Variants in CORT observed in about 807,000 individuals in gnomAD.
CORT encodes the protein cortistatin-14.
Under a neutral mutation model 4.4 loss-of-function variants are expected in CORT, and 2 were observed. The ratio of observed to expected loss-of-function variants is 0.46; its 90% CI spans 0.19 to 1.44. The LOEUF is 1.44. Ranked by LOEUF, CORT falls within the 40% of genes most tolerant of loss-of-function variation. The pLI is 0.26. For synonymous variants in CORT, 72 were observed against 62.0 expected (o/e 1.16, Z -0.75); for missense variants, 158 against 140.2 (o/e 1.13, Z -0.64).
chr1:10,451,728 A>G lies in CORT; in HGVS notation c.*133A>G. The G allele has an allele frequency of 2.2e-6, 3 of 1,358,970 alleles. No individual in the cohort carries two copies. Among genetic ancestry groups the G allele is most frequent in the Non-Finnish European group, 2.9e-6 (3 of 1,027,520 alleles). The allele number at this position is 1,358,970 out of a possible 1,614,324, so 84.2% of individuals were successfully genotyped here. ...TGTTATTTAAATTCCAATAATGCCC[A>G]ATACTGACGTGTCTTGAGTAATTTG... On this transcript the variant is annotated 3_prime_UTR_variant, in exon 2 of 2. Transcript: ENST00000377049.
rs1640799563 is a variant in CORT, at chr1:10,451,885, T to C, written c.*290T>C. On this transcript the variant is annotated 3_prime_UTR_variant, in exon 2 of 2. Coordinates refer to ENST00000377049, the MANE Select transcript of CORT (RefSeq NM_001302.5). ...GCTCTGTCTTTGATTTAAAATAAAA[T>C]AGCTAAAGGCTACACAATTAAGAGT... The C allele has an allele frequency of 3.7e-6, 1 of 269,194 alleles. No individual in the cohort carries two copies. Among genetic ancestry groups the C allele is most frequent in the Non-Finnish European group, 6.8e-6 (1 of 146,314 alleles). 16.7% of individuals were successfully genotyped at this position (269,194 alleles called of 1,614,324 possible).
At chr1:10,450,444 G>T in intron 1 of CORT, 122 bp downstream of exon 1, 2 of 1,098,172 alleles carry the variant, frequency 1.8e-6, no homozygotes, top group Non-Finnish European at 2.3e-6. Flanking sequence ...AGGACACACG[G>T]CTCAACTTTG....
In CORT at chr1:10,451,604, C is replaced by T. The variant is rs146456778; in HGVS notation, c.*9C>T. The T allele has an allele frequency of 1.2e-3, 1,921 of 1,608,438 alleles. 28 individuals are homozygous for T. In the African/African-American group the frequency reaches 0.023, roughly 19 times the overall value. On this transcript the variant is annotated 3_prime_UTR_variant, in exon 2 of 2. Coordinates refer to ENST00000377049, the MANE Select transcript of CORT (RefSeq NM_001302.5). Reference sequence around the variant, plus strand: ...TCTCCTCCTGCAAATAAAACCTCACCCATGAATGCTCACGCAAGTGTAATG... The same window carrying T: ...TCTCCTCCTGCAAATAAAACCTCACTCATGAATGCTCACGCAAGTGTAATG...
chr1:10,451,360 C>T lies in CORT; in HGVS notation c.100-17C>T. 6.4e-7 allele frequency: 1 copy of T among 1,574,400 alleles called. No homozygotes were observed. The highest frequency in any genetic ancestry group is 8.6e-7 in the Non-Finnish European group (1 of 1,159,314). ...TGCTGAGTTTTCTTTCCTTTGCCATCTGCTTCTCTTTAAAAGCATATGCAG... is the reference window on the plus strand; with the variant it reads ...TGCTGAGTTTTCTTTCCTTTGCCATTTGCTTCTCTTTAAAAGCATATGCAG... On this transcript the variant is annotated splice_polypyrimidine_tract_variant and intron_variant, in intron 1 of 1. Transcript: ENST00000377049.
Position 10,450,339 on chromosome 1 carries a change from C to G in CORT, c.99+17C>G, listed in dbSNP as rs375245773. On this transcript the variant is annotated intron_variant, in intron 1 of 1. Coordinates refer to ENST00000377049, the MANE Select transcript of CORT (RefSeq NM_001302.5). ...GACAGCGAGGTGAGTACAGTCCCGA[C>G]GTGGCCACACGCTAGCCCACTCTCT... 6.8e-7 allele frequency: 1 copy of G among 1,469,858 alleles called. No homozygotes were observed. Among genetic ancestry groups the G allele is most frequent in the Non-Finnish European group, 9.0e-7 (1 of 1,108,568 alleles). The allele number at this position is 1,469,858 out of a possible 1,614,324, so 91.1% of individuals were successfully genotyped here.
chr1:10,451,607 T>A lies in CORT; in HGVS notation c.*12T>A, dbSNP rs554425969. 6.2e-7 allele frequency: 1 copy of A among 1,607,632 alleles called. No individual in the cohort carries two copies. The highest frequency in any genetic ancestry group is 8.5e-7 in the Non-Finnish European group (1 of 1,177,434). ...CCTCCTGCAAATAAAACCTCACCCA[T>A]GAATGCTCACGCAAGTGTAATGACA... On this transcript the variant is annotated 3_prime_UTR_variant, in exon 2 of 2. Transcript: ENST00000377049.
At chr1:10,451,001 A>G (rs768831393) in intron 1 of CORT, among the ~76,000 whole-genome samples, 14 of 152,190 alleles carry the variant, frequency 9.2e-5, no homozygotes, top group Non-Finnish European at 1.9e-4. Flanking sequence ...AGCCTGATCC[A>G]ACTCCGGGCT....
chr1:10,450,592 G>T (rs1408188915), intron 1 of CORT, among the ~76,000 whole-genome samples: 3 of 152,208 alleles, frequency 2.0e-5, no homozygotes, highest in Non-Finnish European at 4.4e-5. Flanking sequence ...TGGGAAAGGG[G>T]AAGCGAGTGT....
chr1:10,450,259 C>T lies in CORT; in HGVS notation c.36C>T (p.Leu12=). The stretch of plus-strand genomic sequence containing the variant: ...CCCCCGGCCTCCTGCTGCTGCTGCT[C>T]TCCGGGGCCACGGCCACCGCTGCCC... The part of the protein sequence containing the change: ...PLSPGLLLLL[L]SGATATAALP... The change falls in exon 1 of 2, where the codon CTC becomes CTT. Residue 12 remains leucine (L), a synonymous_variant. Transcript: ENST00000377049. 1 of 1,570,508 alleles carries T rather than the reference C, an allele frequency of 6.4e-7. No homozygotes were observed. Among genetic ancestry groups the T allele is most frequent in the South Asian group, 1.2e-5 (1 of 83,810 alleles).
intron 1 of CORT, 43 bp from the exon 2 acceptor site, chr1:10,451,334 T>C (rs1332893129): frequency 1.3e-6 from 2 of 1,532,654 alleles, no homozygotes; most frequent in Non-Finnish European, 1.8e-6. Flanking sequence ...CTGAGCCAGA[T>C]TGCTGAGTTT....
At position 10,450,270 on chromosome 1, in the gene CORT, C is replaced by T. The variant is rs774882640; in HGVS notation, c.47C>T (p.Thr16Met). The T allele has an allele frequency of 2.9e-5, 45 of 1,561,638 alleles. No individual in the cohort carries two copies. The highest frequency in any genetic ancestry group is 3.4e-4 in the Middle Eastern group (2 of 5,846). ...GLLLLLLSGA[T>M]ATAALPLEGG... is the part of the protein sequence containing the mutation. ...CTGCTGCTGCTGCTCTCCGGGGCCA[C>T]GGCCACCGCTGCCCTGCCCCTGGAG... is the stretch of plus-strand genomic sequence containing the variant. The change falls in exon 1 of 2, where the codon ACG becomes ATG. Residue 16 changes from threonine (T) to methionine (M), a missense_variant. Thr to Met is a moderately conservative substitution (Grantham distance 81). Transcript: ENST00000377049.
rs1471667948 is a variant in CORT at position 10,451,275 on chromosome 1, T to C, written c.100-102T>C. ...TCTCCAGGGTAGTCTTTTAGATCATTTTTTTTTTTAAGTAAGGAGGAGATT... is the reference window on the plus strand; with the variant it reads ...TCTCCAGGGTAGTCTTTTAGATCATCTTTTTTTTTAAGTAAGGAGGAGATT... On this transcript the variant is annotated intron_variant, in intron 1 of 1. Coordinates refer to ENST00000377049, the MANE Select transcript of CORT (RefSeq NM_001302.5). The C allele has an allele frequency of 5.9e-6, 6 of 1,015,796 alleles. No individual in the cohort carries two copies. The East Asian group carries it at 2.3e-4, about 39-fold the overall frequency. The allele number at this position is 1,015,796 out of a possible 1,614,324, so 62.9% of individuals were successfully genotyped here. A position where few individuals can be genotyped will look rare whatever the true frequency, so the allele number is the denominator to read the frequency against.
rs369706158 is a variant in CORT at position 10,450,031 on chromosome 1, G to A, written c.-193G>A. 3.5e-5 allele frequency: 51 copies of A among 1,462,250 alleles called. No homozygotes were observed. The highest frequency in any genetic ancestry group is 1.4e-4 in the African/African-American group (10 of 69,958). The allele number at this position is 1,462,250 out of a possible 1,614,324, so 90.6% of individuals were successfully genotyped here. A position where few individuals can be genotyped will look rare whatever the true frequency, so the allele number is the denominator to read the frequency against. ...GGGCACTGATTGCTCCAGCTTCTGC[G>A]TCACTGCGCGAGGGAAGAGGGAAGA... is the stretch of plus-strand genomic sequence containing the variant. On this transcript the variant is annotated 5_prime_UTR_variant, in exon 1 of 2. Transcript: ENST00000377049.
At position 10,451,385 on chromosome 1, in the gene CORT, G is replaced by C; in HGVS notation, c.108G>C (p.Gln36His). 1 of 1,607,958 alleles carries C rather than the reference G, an allele frequency of 6.2e-7. No homozygotes were observed. Among genetic ancestry groups the C allele is most frequent in the South Asian group, 1.1e-5 (1 of 90,126 alleles). Residue 36 changes from glutamine to histidine, a missense_variant, in exon 2 of 2, where the codon CAG becomes CAC. Physicochemically the swap from Gln to His is conservative, Grantham distance 24. Transcript: ENST00000377049. ...CTGCTTCTCTTTAAAAGCATATGCA[G>C]GAAGCGGCAGGAATAAGGAAAAGCA... ...GPTGRDSEHM[Q>H]EAAGIRKSSL... is the part of the protein sequence containing the mutation.
Position 10,451,686 on chromosome 1 carries a change from G to A in CORT, c.*91G>A, listed in dbSNP as rs1640794365. On this transcript the variant is annotated 3_prime_UTR_variant, in exon 2 of 2. Coordinates refer to ENST00000377049, the MANE Select transcript of CORT (RefSeq NM_001302.5). ...TGATCTTTCCTCTCCTCCTTCCCAA[G>A]TCATTTGAAAAGTGTTTGTTATTTA... The A allele has an allele frequency of 2.8e-6, 4 of 1,450,986 alleles. No individual in the cohort carries two copies. The East Asian group carries it at 1.0e-4, about 37-fold the overall frequency. 89.9% of individuals were successfully genotyped at this position (1,450,986 alleles called of 1,614,324 possible).
chr1:10,450,361 C>A, intron 1 of CORT, 39 bp downstream of exon 1: 1 of 1,440,340 alleles, frequency 6.9e-7, no homozygotes, highest in South Asian at 1.6e-5. Context: ...CTAGCCCACT[C>A]TCTGTCTCTT....
Position 10,451,879 on chromosome 1 carries a change from A to G in CORT, c.*284A>G, listed in dbSNP as rs558667685. The G allele has an allele frequency of 1.1e-5, 3 of 284,132 alleles. No homozygotes were observed. Among genetic ancestry groups the G allele is most frequent in the African/African-American group, 4.4e-5 (2 of 45,952 alleles). 17.6% of individuals were successfully genotyped at this position (284,132 alleles called of 1,614,324 possible). A position where few individuals can be genotyped will look rare whatever the true frequency, so the allele number is the denominator to read the frequency against. ...TGGGAAGCTCTGTCTTTGATTTAAA[A>G]TAAAATAGCTAAAGGCTACACAATT... On this transcript the variant is annotated 3_prime_UTR_variant, in exon 2 of 2. Coordinates refer to ENST00000377049, the MANE Select transcript of CORT (RefSeq NM_001302.5).
In CORT at chr1:10,451,383, C is replaced by T; in HGVS notation, c.106C>T (p.Gln36Ter). 1 of 1,607,116 alleles carries T rather than the reference C, an allele frequency of 6.2e-7. No individual in the cohort carries two copies. Among genetic ancestry groups the T allele is most frequent in the South Asian group, 1.1e-5 (1 of 89,970 alleles). ...ATCTGCTTCTCTTTAAAAGCATATG[C>T]AGGAAGCGGCAGGAATAAGGAAAAG... The part of the protein sequence containing the change: ...GPTGRDSEHM[Q>*]EAAGIRKSSL... The change falls in exon 2 of 2, where the codon CAG (glutamine) becomes TAG (stop). Residue 36 changes from glutamine (Q) to a stop codon, truncating the protein, a stop_gained. Coordinates refer to ENST00000377049, the MANE Select transcript of CORT (RefSeq NM_001302.5). LOFTEE classifies it low-confidence loss of function (END_TRUNC).
At position 10,451,659 on chromosome 1, in the gene CORT, A is replaced by G. The variant is rs1279022412; in HGVS notation, c.*64A>G. 1.3e-6 allele frequency: 2 copies of G among 1,502,258 alleles called. No homozygotes were observed. The highest frequency in any genetic ancestry group is 2.8e-5 in the African/African-American group (2 of 71,704). The allele number at this position is 1,502,258 out of a possible 1,614,324, so 93.1% of individuals were successfully genotyped here. On this transcript the variant is annotated 3_prime_UTR_variant, in exon 2 of 2. Transcript: ENST00000377049. Reference sequence around the variant, plus strand: ...ACCTGAATAAAATGTATTAAGCAGCAGTGATCTTTCCTCTCCTCCTTCCCA... The same window carrying G: ...ACCTGAATAAAATGTATTAAGCAGCGGTGATCTTTCCTCTCCTCCTTCCCA...
Sources: allele counts gnomAD v4.1 joint callset (sites outside exome capture counted in the v4.1 genomes callset), GRCh38; gene constraint gnomAD v4.1.1; transcripts MANE v1.5; gene names NCBI Gene and HGNC (gene_info 2026-07-23, HGNC 2026-07-21).